AASDH: variants seen among roughly 807,000 people sequenced by gnomAD.
AASDH encodes the protein aminoadipate-semialdehyde dehydrogenase.
In AASDH, 81 loss-of-function variants were observed where a neutral mutation model predicts 102.3. That is an observed-to-expected ratio of 0.79 (90% CI 0.66 to 0.95). The LOEUF (loss-of-function observed/expected upper bound fraction) is 0.95. AASDH is among the 40% of genes least tolerant of loss of function. AASDH has a pLI of 0.00. For synonymous variants in AASDH, 398 were observed against 454.0 expected, an observed-to-expected ratio of 0.88 and a Z score of 1.57; for missense variants, 1,203 against 1,266.2, an observed-to-expected ratio of 0.95 and a Z score of 0.76.
chr4:56,354,811 T>C lies in AASDH; in HGVS notation c.1104A>G (p.Lys368=). 1 of 1,591,832 alleles carries C rather than the reference T, an allele frequency of 6.3e-7. No homozygotes were observed. The highest frequency in any genetic ancestry group is 8.5e-7 in the Non-Finnish European group (1 of 1,170,374). The change falls in exon 7 of 15, where the codon AAA becomes AAG. Residue 368 remains lysine, a splice_region_variant and synonymous_variant. Coordinates refer to ENST00000205214, the MANE Select transcript of AASDH (RefSeq NM_181806.4). ...ATCCCAGTTGTACAGGCAATTCACA[T>C]CTATGAAAATAAGATACAGAGCAGA... ...IPEKTLNSTL[K]CELPVQLGFP... is the part of the protein sequence containing the mutation.
At chr4:56,358,728 CT>C (rs1389718888) in intron 5 of AASDH, among the ~76,000 whole-genome samples, 1 of 151,946 alleles carries the variant, frequency 6.6e-6, no homozygotes, top group Non-Finnish European at 1.5e-5. Flanking sequence ...TTTACTGAGA[CT>C]TGTTTTGTGG....
At chr4:56,383,052 C>G (rs1753164091) in intron 2 of AASDH, among the ~76,000 whole-genome samples, 1 of 152,138 alleles carries the variant, frequency 6.6e-6, no homozygotes, top group Non-Finnish European at 1.5e-5. Flanking sequence ...AGTGAAACTT[C>G]ATCTCAAAAA....
chr4:56,373,409 C>T (rs2109978011), intron 4 of AASDH, among the ~76,000 whole-genome samples: 1 of 152,250 alleles, frequency 6.6e-6, no homozygotes, highest in South Asian at 2.1e-4. Flanking sequence ...TCCCAAAGTG[C>T]TGGGATTACA....
At chr4:56,374,181 C>A (rs1472193531) in intron 4 of AASDH, among the ~76,000 whole-genome samples, 2 of 152,016 alleles carry the variant, frequency 1.3e-5, no homozygotes, top group African/African-American at 4.8e-5. Flanking sequence ...GAGTTTGAGA[C>A]CAGCCTGGCC....
chr4:56,369,783 T>G (rs925394741), intron 5 of AASDH, among the ~76,000 whole-genome samples: 3 of 150,860 alleles, frequency 2.0e-5, no homozygotes, highest in African/African-American at 7.3e-5. Context: ...CTATTAAAAA[T>G]ACAAAAATTA....
chr4:56,346,998 G>A (rs546146058), intron 11 of AASDH, among the ~76,000 whole-genome samples: 8 of 150,528 alleles, frequency 5.3e-5, no homozygotes, highest in South Asian at 2.1e-4. Context: ...CCATGATGAC[G>A]CCACTGCACT....
At position 56,387,450 on chromosome 4, in the gene AASDH, C is replaced by T. The variant is rs1312190825; in HGVS notation, c.-131G>A. 1 of 152,246 alleles carries T rather than the reference C, an allele frequency of 6.6e-6. No homozygotes were observed. The highest frequency in any genetic ancestry group is 1.5e-5 in the Non-Finnish European group (1 of 68,068). The allele number at this position is 152,246 out of a possible 1,614,324, so 9.4% of individuals were successfully genotyped here. On this transcript the variant is annotated 5_prime_UTR_variant, in exon 1 of 15. Coordinates refer to ENST00000205214, the MANE Select transcript of AASDH (RefSeq NM_181806.4). ...TACTTCTCACAGCGAAGCAGCAGCT[C>T]CCAGAAGCCGTAAAGCTATCCCAGA... is the stretch of plus-strand genomic sequence containing the variant.
chr4:56,379,526 G>T (rs905414127), intron 3 of AASDH, among the ~76,000 whole-genome samples: 1 of 151,956 alleles, frequency 6.6e-6, no homozygotes, highest in African/African-American at 2.4e-5. Flanking sequence ...TTTGGGGAGT[G>T]GGGGGAAGTA....
chr4:56,367,985 T>C (rs1001717137), intron 5 of AASDH, among the ~76,000 whole-genome samples: 1 of 152,096 alleles, frequency 6.6e-6, no homozygotes, highest in Non-Finnish European at 1.5e-5. Context: ...AAAGGGCTAA[T>C]ATCCAGAATC....
At chr4:56,369,944 T>TAA (rs56400257) in intron 5 of AASDH, among the ~76,000 whole-genome samples, 1,600 of 133,178 alleles carry the variant, frequency 0.012, 38 homozygotes, top group African/African-American at 0.042. Context: ...CTGTCTCAAT[T>TAA]AAAAAAAAAA....
chr4:56,340,976 T>C (rs1747598660), intron 14 of AASDH, among the ~76,000 whole-genome samples: 1 of 152,204 alleles, frequency 6.6e-6, no homozygotes, highest in Admixed American at 6.5e-5. Flanking sequence ...AGATATCATC[T>C]TACCAAGTTA....
chr4:56,356,443 C>G, intron 5 of AASDH: 2 of 1,581,506 alleles, frequency 1.3e-6, no homozygotes, highest in South Asian at 2.2e-5. Flanking sequence ...AAGTACAGAC[C>G]AGAGACAAAG....
At position 56,384,161 on chromosome 4, in the gene AASDH, T is replaced by C. The variant is rs148495207; in HGVS notation, c.139A>G (p.Asn47Asp). Residue 47 changes from asparagine (N) to aspartate (D), a missense_variant, in exon 2 of 15, where the codon AAT (asparagine) becomes GAT (aspartate). Transcript: ENST00000205214. ...TVVNAASELS[N>D]FLLLHCDFQG... Reference sequence around the variant, plus strand: ...AAGTCACAGTGTAACAGCAGAAAATTTGATAATTCAGAAGCAGCATTAACC... The same window carrying C: ...AAGTCACAGTGTAACAGCAGAAAATCTGATAATTCAGAAGCAGCATTAACC... 9 of 1,614,014 alleles carry C rather than the reference T, an allele frequency of 5.6e-6. No homozygotes were observed. In the African/African-American group the frequency reaches 9.3e-5, roughly 17 times the overall value.
chr4:56,348,992 T>A (rs1045784684), intron 11 of AASDH: 70 of 484,410 alleles, frequency 1.4e-4, no homozygotes, highest in Admixed American at 1.5e-4. Flanking sequence ...TTTATTATTA[T>A]TCCCATTTTA....
Position 56,382,555 on chromosome 4 carries a change from A to C in AASDH, c.273T>G (p.Asp91Glu), listed in dbSNP as rs1395947712. Residue 91 changes from aspartate (D) to glutamate (E), a missense_variant, in exon 3 of 15, where the codon GAT becomes GAG. By Grantham distance (45) the Asp-to-Glu change is conservative. Coordinates refer to ENST00000205214, the MANE Select transcript of AASDH (RefSeq NM_181806.4). Reference sequence around the variant, plus strand: ...AATGAGTTGATAATGACGGTGGTGAATCTGGCTCGATAGGTACATAAGCAG... The same window carrying C: ...AATGAGTTGATAATGACGGTGGTGACTCTGGCTCGATAGGTACATAAGCAG... ...VPAAYVPIEPDSPPSLSTHFM... is the reference protein window; with the variant it reads ...VPAAYVPIEPESPPSLSTHFM... 2 of 1,612,190 alleles carry C rather than the reference A, an allele frequency of 1.2e-6. No homozygotes were observed. The highest frequency in any genetic ancestry group is 8.5e-7 in the Non-Finnish European group (1 of 1,178,848).
intron 1 of AASDH, among the ~76,000 whole-genome samples, chr4:56,385,700 C>A (rs1229102373): frequency 1.3e-5 from 2 of 152,114 alleles, no homozygotes; most frequent in African/African-American, 4.8e-5. Flanking sequence ...CAGATTCAAG[C>A]GATTCTCCCA....
chr4:56,366,445 G>A (rs2109951443), intron 5 of AASDH, among the ~76,000 whole-genome samples: 1 of 152,212 alleles, frequency 6.6e-6, no homozygotes, highest in East Asian at 1.9e-4. Context: ...CAATATCCTT[G>A]ATGAACATTG....
At chr4:56,364,117 A>G (rs1181691332) in intron 5 of AASDH, among the ~76,000 whole-genome samples, 2 of 152,232 alleles carry the variant, frequency 1.3e-5, no homozygotes, top group Non-Finnish European at 2.9e-5. Context: ...AAAGGGTATC[A>G]GTGATGGAAG....
At chr4:56,375,912 T>G (rs1752285941) in intron 4 of AASDH, among the ~76,000 whole-genome samples, 1 of 151,712 alleles carries the variant, frequency 6.6e-6, no homozygotes, top group Admixed American at 6.6e-5. Context: ...TGTATCTTCC[T>G]CCCATCTAAA....
Sources: allele counts gnomAD v4.1 joint callset (sites outside exome capture counted in the v4.1 genomes callset), GRCh38; gene constraint gnomAD v4.1.1; transcripts MANE v1.5; gene names NCBI Gene and HGNC (gene_info 2026-07-23, HGNC 2026-07-21).